Variants in PIP5K1A observed in about 807,000 individuals in gnomAD.
PIP5K1A encodes the protein phosphatidylinositol 4-phosphate 5-kinase type-1 alpha.
In PIP5K1A, 46 loss-of-function variants were observed where a neutral mutation model predicts 72.9. The ratio of observed to expected loss-of-function variants is 0.63; its 90% CI spans 0.50 to 0.81. PIP5K1A has a LOEUF of 0.81. Among genes scored for constraint, PIP5K1A ranks in the 30% least tolerant of loss-of-function variants. The probability of loss-of-function intolerance (pLI) is 0.00; values close to 1 mark genes in which losing one functional copy is unlikely to be tolerated. For synonymous variants in PIP5K1A, 228 were observed against 255.1 expected, an observed-to-expected ratio of 0.89 and a Z score of 1.01; for missense variants, 458 against 706.1, an observed-to-expected ratio of 0.65 and a Z score of 3.98.
intron 4 of PIP5K1A, among the ~76,000 whole-genome samples, chr1:151,230,837 C>T (rs7527032): frequency 0.63 from 95,657 of 152,162 alleles, 30,597 homozygotes; most frequent in Non-Finnish European, 0.7. Context: ...TCCGCCCGCG[C>T]CCACCCCACC....
At chr1:151,204,126 C>T (rs928694750) in intron 1 of PIP5K1A, among the ~76,000 whole-genome samples, 1 of 152,144 alleles carries the variant, frequency 6.6e-6, no homozygotes, top group African/African-American at 2.4e-5. Flanking sequence ...AGAGCCCTAC[C>T]TGTAACCTGC....
intron 4 of PIP5K1A, 21 bp from the exon 5 acceptor site, chr1:151,231,650 C>A (rs748347227): frequency 4.3e-6 from 7 of 1,611,952 alleles, no homozygotes; most frequent in Non-Finnish European, 5.1e-6. Context: ...GAATTTTCTT[C>A]TCATTTCTCT....
intron 4 of PIP5K1A, among the ~76,000 whole-genome samples, chr1:151,227,894 A>G (rs1689389359): frequency 6.6e-6 from 1 of 151,492 alleles, no homozygotes; most frequent in African/African-American, 2.4e-5. Context: ...ATCTCAAAAG[A>G]AAAAAAAATT....
intron 14 of PIP5K1A, among the ~76,000 whole-genome samples, chr1:151,243,619 T>C (rs1184851155): frequency 6.6e-6 from 1 of 152,204 alleles, no homozygotes; most frequent in African/African-American, 2.4e-5. Flanking sequence ...CCCTCTAGAC[T>C]CTTGGTTTTG....
Position 151,236,727 on chromosome 1 carries a change from A to G in PIP5K1A, c.1109A>G (p.Glu370Gly). 1 of 1,610,054 alleles carries G rather than the reference A, an allele frequency of 6.2e-7. No individual in the cohort carries two copies. The highest frequency in any genetic ancestry group is 1.1e-5 in the South Asian group (1 of 90,964). Reference sequence around the variant, plus strand: ...ACAGCCATGGAATCCATCCAGGGAGAGGCTCGACGGGGTGGTACCATGGAG... The same window carrying G: ...ACAGCCATGGAATCCATCCAGGGAGGGGCTCGACGGGGTGGTACCATGGAG... ...YSTAMESIQG[E>G]ARRGGTMETD... Residue 370 changes from glutamate (E) to glycine (G), a missense_variant, in exon 9 of 16, where the codon GAG becomes GGG. Glu to Gly is a moderately conservative substitution (Grantham distance 98). This residue lies in a region of PIP5K1A where 220 missense variants were observed against 442.6 expected (regional missense o/e 0.50). Coordinates refer to ENST00000368888, the MANE Select transcript of PIP5K1A (RefSeq NM_001135638.2).
At chr1:151,218,247 C>G (rs1687915529) in intron 1 of PIP5K1A, among the ~76,000 whole-genome samples, 1 of 152,078 alleles carries the variant, frequency 6.6e-6, no homozygotes, top group Non-Finnish European at 1.5e-5. Context: ...AGGTAATCTC[C>G]CTAAAAGAAA....
At chr1:151,220,266 A>G (rs1169230908) in intron 1 of PIP5K1A, among the ~76,000 whole-genome samples, 1 of 152,096 alleles carries the variant, frequency 6.6e-6, no homozygotes, top group Non-Finnish European at 1.5e-5. Flanking sequence ...GGCCTCCCCA[A>G]GTGCTGGGAT....
intron 1 of PIP5K1A, among the ~76,000 whole-genome samples, chr1:151,205,831 G>A (rs1440869179): frequency 2.6e-5 from 4 of 151,988 alleles, no homozygotes; most frequent in Non-Finnish European, 4.4e-5. Flanking sequence ...AAACTTATCA[G>A]TTTATTTTTC....
chr1:151,232,829 G>A, intron 7 of PIP5K1A, 126 bp downstream of exon 7: 5 of 726,694 alleles, frequency 6.9e-6, no homozygotes, highest in East Asian at 2.8e-5. Flanking sequence ...GGCCAGGCAC[G>A]GTGGCTCATG....
In PIP5K1A at chr1:151,241,159, C is replaced by T. The variant is rs776542596; in HGVS notation, c.1364-964C>T. 2.7e-5 allele frequency among the ~76,000 whole-genome samples: 4 copies of T among 149,890 alleles called. 1 individual carries two copies. Among genetic ancestry groups the T allele is most frequent in the African/African-American group, 7.4e-5 (3 of 40,794 alleles). ...GCCTGGGTGACAAGAGAGGAAACTT[C>T]ATCTCAAAAAAAGTTATCTTTCTCA... On this transcript the variant is annotated intron_variant, in intron 12 of 15. Coordinates refer to ENST00000368888, the MANE Select transcript of PIP5K1A (RefSeq NM_001135638.2).
chr1:151,244,133 G>C (rs1692147337), intron 14 of PIP5K1A, among the ~76,000 whole-genome samples: 1 of 128,704 alleles, frequency 7.8e-6, no homozygotes, highest in African/African-American at 3.0e-5. Flanking sequence ...AATATAACGA[G>C]ACCCCATCCC....
intron 15 of PIP5K1A, 62 bp downstream of exon 15, chr1:151,247,027 G>C: frequency 9.1e-7 from 1 of 1,104,914 alleles, no homozygotes; most frequent in Non-Finnish European, 1.3e-6. Flanking sequence ...ATCACTGATG[G>C]CCTGGAGCAG....
At chr1:151,240,754 C>T (rs1553303252) in intron 12 of PIP5K1A, among the ~76,000 whole-genome samples, 1 of 152,000 alleles carries the variant, frequency 6.6e-6, no homozygotes, top group Non-Finnish European at 1.5e-5. Context: ...ATCATGAGAC[C>T]TTGTCTCTAC....
chr1:151,224,239 C>A lies in PIP5K1A; in HGVS notation c.86-6C>A. The A allele has an allele frequency of 6.2e-7, 1 of 1,612,208 alleles. No homozygotes were observed. On this transcript the variant is annotated splice_polypyrimidine_tract_variant and splice_region_variant and intron_variant, in intron 1 of 15. Coordinates refer to ENST00000368888, the MANE Select transcript of PIP5K1A (RefSeq NM_001135638.2). Reference sequence around the variant, plus strand: ...ACTCTTATGATTGTTTTTTTTTCCCCCCTAGCAGCATCTGGAATCAAGAGA... The same window carrying A: ...ACTCTTATGATTGTTTTTTTTTCCCACCTAGCAGCATCTGGAATCAAGAGA...
rs1684766297 is a variant in PIP5K1A, at chr1:151,198,626, A to G, written c.-371A>G. On this transcript the variant is annotated 5_prime_UTR_variant, in exon 1 of 16. Coordinates refer to ENST00000368888, the MANE Select transcript of PIP5K1A (RefSeq NM_001135638.2). ...CAGGCCGTGGTTAGGAAGGACGGAG[A>G]AGGGGCGTTCGCTCCTTTGGGACTT... is the stretch of plus-strand genomic sequence containing the variant. The G allele has an allele frequency of 8.1e-6, 2 of 248,120 alleles. No homozygotes were observed. Among genetic ancestry groups the G allele is most frequent in the Non-Finnish European group, 1.6e-5 (2 of 126,146 alleles). The allele number at this position is 248,120 out of a possible 1,614,324, so 15.4% of individuals were successfully genotyped here. A position where few individuals can be genotyped will look rare whatever the true frequency, so the allele number is the denominator to read the frequency against.
Position 151,248,076 on chromosome 1 carries a change from A to G in PIP5K1A, c.*211A>G, listed in dbSNP as rs1171248260. 2 of 571,612 alleles carry G rather than the reference A, an allele frequency of 3.5e-6. No homozygotes were observed. The highest frequency in any genetic ancestry group is 3.9e-5 in the African/African-American group (2 of 51,850). The allele number at this position is 571,612 out of a possible 1,614,324, so 35.4% of individuals were successfully genotyped here. Reference sequence around the variant, plus strand: ...ATGAATGGGCCTTAGTGCCTCAGAGAGTTGAGGACCGCAGCATCCCCTCCA... The same window carrying G: ...ATGAATGGGCCTTAGTGCCTCAGAGGGTTGAGGACCGCAGCATCCCCTCCA... On this transcript the variant is annotated 3_prime_UTR_variant, in exon 16 of 16. Coordinates refer to ENST00000368888, the MANE Select transcript of PIP5K1A (RefSeq NM_001135638.2).
chr1:151,219,045 A>T (rs971035379), intron 1 of PIP5K1A, among the ~76,000 whole-genome samples: 4 of 152,206 alleles, frequency 2.6e-5, no homozygotes, highest in African/African-American at 9.6e-5. Context: ...TTGTTCTAAT[A>T]TAAGTGGTTT....
chr1:151,203,781 G>T (rs893265009), intron 1 of PIP5K1A, among the ~76,000 whole-genome samples: 3 of 149,532 alleles, frequency 2.0e-5, no homozygotes, highest in Non-Finnish European at 4.4e-5. Flanking sequence ...CTGAGATCAC[G>T]CCACTGTACT....
chr1:151,210,663 C>T (rs183872635), intron 1 of PIP5K1A, among the ~76,000 whole-genome samples: 5 of 152,238 alleles, frequency 3.3e-5, no homozygotes, highest in African/African-American at 4.8e-5. Flanking sequence ...GGGCTCACTG[C>T]AGCCTCCCGT....
Sources: gnomAD v4.1 joint callset for allele counts (sites outside exome capture counted in the v4.1 genomes callset) on GRCh38, gnomAD v4.1.1 for gene constraint, gnomAD v4.1.1 regional missense constraint, MANE v1.5 for transcripts, NCBI Gene and HGNC (gene_info 2026-07-23, HGNC 2026-07-21) for gene names.